The following PLEKHA1 variants were observed in gnomAD, a reference collection of about 807,000 sequenced individuals.
PLEKHA1 encodes pleckstrin homology domain-containing family A member 1.
Under a neutral mutation model 52.0 loss-of-function variants are expected in PLEKHA1, and 34 were observed. That is an observed-to-expected ratio of 0.65 (90% CI 0.50 to 0.87). PLEKHA1 has a LOEUF of 0.87. PLEKHA1 is among the 40% of genes least tolerant of loss of function. PLEKHA1 has a pLI of 0.00. For synonymous variants in PLEKHA1, 163 were observed against 170.7 expected, an observed-to-expected ratio of 0.95 and a Z score of 0.35; for missense variants, 497 against 504.2, an observed-to-expected ratio of 0.99 and a Z score of 0.14.
At chr10:122,382,455 G>A (rs6585826) in intron 1 of PLEKHA1, among the ~76,000 whole-genome samples, 17,507 of 152,252 alleles carry the variant, frequency 0.11, 1,353 homozygotes, top group Non-Finnish European at 0.17. Flanking sequence ...TGGTAAAGGT[G>A]GGGGCTATAA....
intron 5 of PLEKHA1, among the ~76,000 whole-genome samples, chr10:122,410,032 C>A (rs889520306): frequency 7.2e-5 from 11 of 152,166 alleles, no homozygotes; most frequent in African/African-American, 2.7e-4. Context: ...ATCCGCCCAG[C>A]TTGGCCTCCC....
rs1478959949 is a variant in PLEKHA1, at chr10:122,400,337, T to C, written c.199-6T>C. On this transcript the variant is annotated splice_region_variant and splice_polypyrimidine_tract_variant and intron_variant, in intron 3 of 11. Coordinates refer to ENST00000368990, the MANE Select transcript of PLEKHA1 (RefSeq NM_001001974.4). The stretch of plus-strand genomic sequence containing the variant: ...GTGAGGAACCCGTCTCTATTTTTCT[T>C]TTTAGGTTAGCGATGCTACTAAGCT... 17 of 1,601,334 alleles carry C rather than the reference T, an allele frequency of 1.1e-5. No individual in the cohort carries two copies. The highest frequency in any genetic ancestry group is 1.4e-5 in the Non-Finnish European group (17 of 1,175,814).
rs532286215 is a variant in PLEKHA1 at position 122,408,431 on chromosome 10, G to T, written c.342+1758G>T. On this transcript the variant is annotated intron_variant, in intron 5 of 11. Transcript: ENST00000368990. ...AAAAGACTTCTAAGTAGCTTTTGTGGTCTTGCAATTTTATTTTACCTGTTG... is the reference window on the plus strand; with the variant it reads ...AAAAGACTTCTAAGTAGCTTTTGTGTTCTTGCAATTTTATTTTACCTGTTG... Among the ~76,000 whole-genome samples the T allele has an allele frequency of 3.9e-5, 6 of 152,170 alleles. No homozygotes were observed. In the South Asian group the frequency reaches 8.3e-4, roughly 21 times the overall value.
intron 3 of PLEKHA1, among the ~76,000 whole-genome samples, chr10:122,399,575 TTTA>T (rs1225960901): frequency 5.5e-5 from 4 of 72,730 alleles, no homozygotes; most frequent in African/African-American, 1.1e-4. Flanking sequence ...ATTTGTGGAC[TTTA>T]TTTTTATTTT....
chr10:122,428,417 G>C (rs989313958), intron 11 of PLEKHA1: 8 of 1,459,792 alleles, frequency 5.5e-6, no homozygotes, highest in Non-Finnish European at 7.3e-6. Context: ...ACTGATCATA[G>C]AAAGTTGAGT....
At chr10:122,391,524 C>T (rs1464441940) in intron 1 of PLEKHA1, among the ~76,000 whole-genome samples, 1 of 152,054 alleles carries the variant, frequency 6.6e-6, no homozygotes, top group African/African-American at 2.4e-5. Context: ...AGGCTTTTTT[C>T]CCCCACATTG....
At chr10:122,397,813 T>G in intron 2 of PLEKHA1, 105 bp from the exon 3 acceptor site, 1 of 867,806 alleles carries the variant, frequency 1.2e-6, no homozygotes, top group Non-Finnish European at 1.7e-6. Context: ...AATGTGATAT[T>G]AAAAAATTGA....
chr10:122,416,181 T>G lies in PLEKHA1; in HGVS notation c.612+179T>G, dbSNP rs528223872. Among the ~76,000 whole-genome samples, 21 of 152,330 alleles carry G rather than the reference T, an allele frequency of 1.4e-4. No homozygotes were observed. In the East Asian group the frequency reaches 3.7e-3, roughly 27 times the overall value. On this transcript the variant is annotated intron_variant, in intron 7 of 11. Coordinates refer to ENST00000368990, the MANE Select transcript of PLEKHA1 (RefSeq NM_001001974.4). ...CTCTGTTTATAATTCAATGCTGTTA[T>G]TTGCTTGGTTTGCAGGGGGCCAGGA...
At position 122,424,271 on chromosome 10, in the gene PLEKHA1, A is replaced by G. The variant is rs745946664; in HGVS notation, c.746+8A>G. On this transcript the variant is annotated splice_region_variant and intron_variant, in intron 9 of 11. Transcript: ENST00000368990. ...CCAGGAATGTAAGCAAAGGTAAGGA[A>G]CCGCTCTGACTTGATGCCTGGCACA... 6.3e-7 allele frequency: 1 copy of G among 1,590,174 alleles called. No homozygotes were observed. The highest frequency in any genetic ancestry group is 1.2e-5 in the South Asian group (1 of 86,272).
chr10:122,406,420 T>C (rs2097016277), intron 4 of PLEKHA1, among the ~76,000 whole-genome samples, 156 bp from the exon 5 acceptor site: 1 of 152,226 alleles, frequency 6.6e-6, no homozygotes, highest in Admixed American at 6.5e-5. Context: ...ACCTGTGTTA[T>C]TGTGTGATAA....
At chr10:122,385,480 C>T (rs1163562461) in intron 1 of PLEKHA1, among the ~76,000 whole-genome samples, 1 of 151,988 alleles carries the variant, frequency 6.6e-6, no homozygotes, top group Non-Finnish European at 1.5e-5. Context: ...CCATGCCCGG[C>T]TAATTTTGAA....
intron 1 of PLEKHA1, 138 bp downstream of exon 1, chr10:122,374,944 GA>G (rs1344768845): frequency 6.5e-6 from 1 of 152,800 alleles, no homozygotes; most frequent in African/African-American, 2.4e-5. Context: ...GGCGTCCGCA[GA>G]GGGGCGGTGG....
downstream of PLEKHA1, chr10:122,435,861 C>T (rs1179151800): frequency 2.0e-5 from 3 of 150,640 alleles, no homozygotes; most frequent in African/African-American, 7.3e-5. Flanking sequence ...TGAGATCAGC[C>T]TGGGCAGAAT....
chr10:122,421,683 T>C (rs1736060774), intron 8 of PLEKHA1: 2 of 151,950 alleles, frequency 1.3e-5, no homozygotes, highest in Non-Finnish European at 2.9e-5. Context: ...GGTAGGCAAA[T>C]GAACAAAAGA....
Position 122,417,883 on chromosome 10 carries a change from G to A in PLEKHA1, c.613-17G>A, listed in dbSNP as rs774682239. 2.5e-6 allele frequency: 4 copies of A among 1,587,760 alleles called. No homozygotes were observed. The highest frequency in any genetic ancestry group is 2.6e-6 in the Non-Finnish European group (3 of 1,157,456). On this transcript the variant is annotated splice_polypyrimidine_tract_variant and intron_variant, in intron 7 of 11. Coordinates refer to ENST00000368990, the MANE Select transcript of PLEKHA1 (RefSeq NM_001001974.4). The stretch of plus-strand genomic sequence containing the variant: ...TCTTAGAAACACAAGTCTTATGTCT[G>A]TGTTCATCTCTGGTAGATGAAAAAC...
the PLEKHA1 span, chr10:122,442,375 C>T: frequency 6.6e-6 from 1 of 151,498 alleles, no homozygotes; most frequent in Non-Finnish European, 1.5e-5. Context: ...AAAGTGAACA[C>T]CCTATTGTAG....
intron 5 of PLEKHA1, among the ~76,000 whole-genome samples, chr10:122,411,597 G>A (rs1390412713): frequency 1.4e-4 from 22 of 152,172 alleles, no homozygotes; most frequent in Non-Finnish European, 5.9e-5. Flanking sequence ...TAAAGTGCAG[G>A]TTTTTGGGCT....
intron 4 of PLEKHA1, among the ~76,000 whole-genome samples, chr10:122,405,452 T>A: frequency 6.6e-6 from 1 of 151,498 alleles, no homozygotes; most frequent in Non-Finnish European, 1.5e-5. Flanking sequence ...TAAACAAAAC[T>A]TACAAAATAA....
At chr10:122,413,971 T>TA (rs1163257652) in intron 6 of PLEKHA1, among the ~76,000 whole-genome samples, 1 of 152,118 alleles carries the variant, frequency 6.6e-6, no homozygotes, top group Non-Finnish European at 1.5e-5. Context: ...TTAGAAATCT[T>TA]ACAACATTAA....
Sources: allele counts gnomAD v4.1 joint callset (sites outside exome capture counted in the v4.1 genomes callset), GRCh38; gene constraint gnomAD v4.1.1; transcripts MANE v1.5; gene names NCBI Gene and HGNC (gene_info 2026-07-23, HGNC 2026-07-21).